SMCHD1: variants seen among roughly 807,000 people sequenced by gnomAD.
SMCHD1 encodes the protein structural maintenance of chromosomes flexible hinge domain-containing protein 1.
SMCHD1 carries 78 observed loss-of-function variants against 254.7 expected under a neutral mutation model. The ratio of observed to expected loss-of-function variants is 0.31; its 90% CI spans 0.26 to 0.37. The LOEUF is 0.37. Among genes scored for constraint, SMCHD1 ranks in the 10% least tolerant of loss-of-function variants. The pLI, the probability that SMCHD1 is intolerant of heterozygous loss-of-function variation, is 1.00. For missense variants in SMCHD1, 1,840 were observed against 2,408.1 expected (o/e 0.76, Z 4.94); for synonymous variants, 766 against 794.9 (o/e 0.96, Z 0.61).
At chr18:2,763,612 ATTG>A in intron 36 of SMCHD1, 22 bp from the exon 37 acceptor site, 1 of 1,528,684 alleles carries the variant, frequency 6.5e-7, no homozygotes, top group Non-Finnish European at 8.7e-7. Flanking sequence ...AGTTTCTCTA[ATTG>A]TTTTCCATTT....
chr18:2,725,817 A>G (rs1404255623), intron 21 of SMCHD1, among the ~76,000 whole-genome samples: 1 of 151,906 alleles, frequency 6.6e-6, no homozygotes, highest in Admixed American at 6.6e-5. Context: ...CTTACTAAAA[A>G]TTTCTAGATT....
chr18:2,798,317 T>C (rs1424917427), intron 47 of SMCHD1, among the ~76,000 whole-genome samples: 1 of 152,230 alleles, frequency 6.6e-6, no homozygotes, highest in Admixed American at 6.5e-5. Flanking sequence ...TTCATGGGCA[T>C]GAGGTGTATA....
intron 5 of SMCHD1, among the ~76,000 whole-genome samples, chr18:2,678,751 G>T (rs534456440): frequency 6.6e-6 from 1 of 151,882 alleles, no homozygotes; most frequent in Admixed American, 6.6e-5. Context: ...CATTAGGGCC[G>T]ATCTGCCAAT....
rs79361541 is a variant in SMCHD1, at chr18:2,673,560, T to C, written c.507+197T>C. ...ACATGTATATGTACCTTTGGTTTTT[T>C]GTAATCTTCTACTTTCCCTTAACAG... is the stretch of plus-strand genomic sequence containing the variant. On this transcript the variant is annotated intron_variant, in intron 4 of 47. Transcript: ENST00000320876. Among the ~76,000 whole-genome samples, 1,276 of 152,014 alleles carry C rather than the reference T, an allele frequency of 8.4e-3. 9 individuals carry two copies. The highest frequency in any genetic ancestry group is 0.014 in the Non-Finnish European group (930 of 68,006).
chr18:2,784,799 A>C (rs1404911134), intron 45 of SMCHD1, 178 bp downstream of exon 45: 1 of 689,882 alleles, frequency 1.4e-6, no homozygotes, highest in African/African-American at 1.8e-5. Context: ...GTTTAGAGTT[A>C]TGTAAATAGT....
chr18:2,723,900 C>G (rs969004089), intron 20 of SMCHD1, among the ~76,000 whole-genome samples: 1 of 151,926 alleles, frequency 6.6e-6, no homozygotes, highest in Non-Finnish European at 1.5e-5. Flanking sequence ...CTAGCTTTTT[C>G]TATTTGTGTT....
intron 13 of SMCHD1, 28 bp from the exon 14 acceptor site, chr18:2,705,666 T>C: frequency 9.5e-7 from 1 of 1,051,906 alleles, no homozygotes; most frequent in Admixed American, 2.6e-5. Context: ...TACTGAAGCT[T>C]TTTTTTTTTT....
intron 17 of SMCHD1, among the ~76,000 whole-genome samples, chr18:2,717,812 G>GT (rs1238948998): frequency 2.0e-4 from 31 of 151,270 alleles, no homozygotes; most frequent in East Asian, 3.9e-4. Flanking sequence ...TAAAAATTTT[G>GT]TTTTTTTTAA....
Position 2,718,101 on chromosome 18 carries a change from T to C in SMCHD1, c.2261-57T>C. On this transcript the variant is annotated intron_variant, in intron 17 of 47. Coordinates refer to ENST00000320876, the MANE Select transcript of SMCHD1 (RefSeq NM_015295.3). This position sits in a 1 kb window ranked among gnomAD's most constrained non-coding sequence, Gnocchi z 4.6. ...TTGGTGCCAATGTGACATTGCGTAT[T>C]TCATGTTTTACGTTGAATTTCTCAA... 3 of 1,378,590 alleles carry C rather than the reference T, an allele frequency of 2.2e-6. No homozygotes were observed. Among genetic ancestry groups the C allele is most frequent in the South Asian group, 1.2e-5 (1 of 80,406 alleles). 85.4% of individuals were successfully genotyped at this position (1,378,590 alleles called of 1,614,324 possible).
In SMCHD1 at chr18:2,655,870, C is replaced by T. The variant is rs1012793592; in HGVS notation, c.-206C>T. On this transcript the variant is annotated 5_prime_UTR_variant, in exon 1 of 48. It adds an upstream start codon to the 5' untranslated region. Transcript: ENST00000320876. ...CGGGCCGCGGAAGTGACGTGGTGCA[C>T]GGGCAGGAGCGCGTTTGAATCGGTT... is the stretch of plus-strand genomic sequence containing the variant. The T allele has an allele frequency of 5.2e-5, 19 of 367,772 alleles. No individual in the cohort carries two copies. The highest frequency in any genetic ancestry group is 1.3e-4 in the African/African-American group (6 of 47,372). The allele number at this position is 367,772 out of a possible 1,614,324, so 22.8% of individuals were successfully genotyped here.
intron 40 of SMCHD1, among the ~76,000 whole-genome samples, chr18:2,772,037 G>A (rs908125497): frequency 6.6e-6 from 1 of 152,084 alleles, no homozygotes; most frequent in African/African-American, 2.4e-5. Context: ...ATTCAGTGAA[G>A]TGGGAACTTT....
At chr18:2,660,016 A>G (rs1470084611) in intron 1 of SMCHD1, among the ~76,000 whole-genome samples, 2 of 152,182 alleles carry the variant, frequency 1.3e-5, no homozygotes, top group East Asian at 3.8e-4. Context: ...CAAGTCAGTT[A>G]GTCCTTAAAT....
chr18:2,729,252 A>G, intron 23 of SMCHD1, 23 bp from the exon 24 acceptor site: 1 of 1,424,122 alleles, frequency 7.0e-7, no homozygotes, highest in Non-Finnish European at 9.2e-7. Flanking sequence ...GGGGTCTTAC[A>G]TTATTTTTCA....
rs748703551 is a variant in SMCHD1, at chr18:2,732,499, A to G, written c.3276+7A>G. 3.3e-6 allele frequency: 5 copies of G among 1,532,506 alleles called. No individual in the cohort carries two copies. The Admixed American group carries it at 7.3e-5, about 22-fold the overall frequency. The allele number at this position is 1,532,506 out of a possible 1,614,324, so 94.9% of individuals were successfully genotyped here. A position where few individuals can be genotyped will look rare whatever the true frequency, so the allele number is the denominator to read the frequency against. On this transcript the variant is annotated splice_region_variant and intron_variant, in intron 25 of 47. Transcript: ENST00000320876. ...TTTAGCAGAAAAAATTAAAGTAAGT[A>G]TCTCTAACAGATTGGTTATTTGTAA... is the stretch of plus-strand genomic sequence containing the variant.
chr18:2,660,368 T>C (rs954849081), intron 1 of SMCHD1, among the ~76,000 whole-genome samples: 1 of 151,454 alleles, frequency 6.6e-6, no homozygotes, highest in African/African-American at 2.4e-5. Context: ...CTTAGAAAAA[T>C]TGTGAATTCA....
At chr18:2,734,663 T>TA (rs57097078) in intron 25 of SMCHD1, among the ~76,000 whole-genome samples, 1 of 150,704 alleles carries the variant, frequency 6.6e-6, no homozygotes, top group East Asian at 1.9e-4. Context: ...TTTTTTTTTT[T>TA]AATACAATAA....
chr18:2,674,228 A>C, intron 5 of SMCHD1, 83 bp downstream of exon 5: 1 of 1,155,550 alleles, frequency 8.7e-7, no homozygotes, highest in Non-Finnish European at 1.2e-6. Context: ...TTGGATGCAT[A>C]TGATACATTG....
intron 4 of SMCHD1, among the ~76,000 whole-genome samples, chr18:2,673,665 A>G (rs1466285726): frequency 6.6e-6 from 1 of 152,126 alleles, no homozygotes; most frequent in African/African-American, 2.4e-5. Flanking sequence ...TATAATATAA[A>G]TTGTGTAGTT....
At chr18:2,709,102 T>C (rs981867665) in intron 17 of SMCHD1, among the ~76,000 whole-genome samples, 1 of 149,848 alleles carries the variant, frequency 6.7e-6, no homozygotes, top group African/African-American at 2.4e-5. Context: ...CTATTTTAGG[T>C]ACCTCATAAA....
Sources: gnomAD v4.1 joint callset for allele counts (sites outside exome capture counted in the v4.1 genomes callset) on GRCh38, gnomAD v4.1.1 for gene constraint, Gnocchi (gnomAD v3.1) non-coding constraint, MANE v1.5 for transcripts, NCBI Gene and HGNC (gene_info 2026-07-23, HGNC 2026-07-21) for gene names.